The following MAP3K4 variants were observed in gnomAD, a reference collection of about 807,000 sequenced individuals.
MAP3K4 encodes mitogen-activated protein kinase kinase kinase 4.
In MAP3K4, 67 loss-of-function variants were observed where a neutral mutation model predicts 185.6. The ratio of observed to expected loss-of-function variants is 0.36; its 90% CI spans 0.30 to 0.44. The LOEUF (loss-of-function observed/expected upper bound fraction) is 0.44. MAP3K4 is among the 20% of genes least tolerant of loss of function. The pLI, the probability that MAP3K4 is intolerant of heterozygous loss-of-function variation, is 1.00. For missense variants in MAP3K4, 1,551 were observed against 1,995.1 expected, an observed-to-expected ratio of 0.78 and a Z score of 4.24; for synonymous variants, 702 against 710.4, an observed-to-expected ratio of 0.99 and a Z score of 0.19.
chr6:160,992,236 G>C (rs541216477), intron 1 of MAP3K4, 153 bp downstream of exon 1: 1 of 1,056,080 alleles, frequency 9.5e-7, no homozygotes, highest in Admixed American at 3.6e-5. Flanking sequence ...GTGCATCCCT[G>C]GGTCCCAGGG....
chr6:161,027,441 A>T (rs376482775), intron 1 of MAP3K4, among the ~76,000 whole-genome samples: 17 of 152,232 alleles, frequency 1.1e-4, no homozygotes, highest in African/African-American at 4.1e-4. Context: ...ATTAAAAAAA[A>T]ATTGCCTTCA....
In MAP3K4 at chr6:161,026,424, C is replaced by T. The variant is rs574379099; in HGVS notation, c.153-7835C>T. On this transcript the variant is annotated intron_variant, in intron 1 of 26. Transcript: ENST00000392142. Reference sequence around the variant, plus strand: ...TGCTGGGATTACAGGCATGAGCCACCGTGCCCGGTCAGAAGGAAGGCTTTT... The same window carrying T: ...TGCTGGGATTACAGGCATGAGCCACTGTGCCCGGTCAGAAGGAAGGCTTTT... Among the ~76,000 whole-genome samples, 234 of 152,138 alleles carry T rather than the reference C, an allele frequency of 1.5e-3. 3 individuals carry two copies. The highest frequency in any genetic ancestry group is 4.9e-3 in the African/African-American group (204 of 41,502).
chr6:160,991,905 C>A lies in MAP3K4; in HGVS notation c.-27C>A. The stretch of plus-strand genomic sequence containing the variant: ...CGCCAGGCTGCAGCTTACTGCCCGC[C>A]GCGGCCATGCGGGGCTCCGTGCACG... On this transcript the variant is annotated 5_prime_UTR_variant, in exon 1 of 27. Transcript: ENST00000392142. The surrounding 1 kb of genome is among the most constrained non-coding windows in gnomAD (Gnocchi z 5.7). 1.3e-6 allele frequency: 2 copies of A among 1,494,708 alleles called. No individual in the cohort carries two copies. The highest frequency in any genetic ancestry group is 2.2e-5 in the Admixed American group (1 of 45,524). The allele number at this position is 1,494,708 out of a possible 1,614,324, so 92.6% of individuals were successfully genotyped here. A position where few individuals can be genotyped will look rare whatever the true frequency, so the allele number is the denominator to read the frequency against.
At chr6:160,994,885 G>A (rs2115029436) in intron 1 of MAP3K4, among the ~76,000 whole-genome samples, 1 of 152,232 alleles carries the variant, frequency 6.6e-6, no homozygotes, top group South Asian at 2.1e-4. Flanking sequence ...ATTTTTAGTA[G>A]AGACAAGGTT....
chr6:161,090,617 G>A (rs1204459352), intron 11 of MAP3K4, among the ~76,000 whole-genome samples: 2 of 62,282 alleles, frequency 3.2e-5, no homozygotes, highest in African/African-American at 7.9e-5. Flanking sequence ...ATGGAGGGCC[G>A]TCCTGCGCAT....
intron 1 of MAP3K4, among the ~76,000 whole-genome samples, chr6:161,016,825 TTG>T (rs1562483307): frequency 2.0e-5 from 3 of 152,260 alleles, no homozygotes; most frequent in Non-Finnish European, 4.4e-5. Context: ...TTTAAACGCC[TTG>T]TATTCTTGCA....
chr6:161,096,675 C>T lies in MAP3K4; in HGVS notation c.3428-405C>T, dbSNP rs1022438329. ...ATGCACTCAGGACAATGACAGTGACCTCAAAGGCAGGACCTCTTGAAATGT... is the reference window on the plus strand; with the variant it reads ...ATGCACTCAGGACAATGACAGTGACTTCAAAGGCAGGACCTCTTGAAATGT... On this transcript the variant is annotated intron_variant, in intron 15 of 26. Coordinates refer to ENST00000392142, the MANE Select transcript of MAP3K4 (RefSeq NM_005922.4). This position sits in a 1 kb window ranked among gnomAD's most constrained non-coding sequence, Gnocchi z 4.9. The T allele has an allele frequency of 6.2e-6, 1 of 161,192 alleles. No individual in the cohort carries two copies. Among genetic ancestry groups the T allele is most frequent in the African/African-American group, 2.4e-5 (1 of 41,590 alleles). 10.0% of individuals were successfully genotyped at this position (161,192 alleles called of 1,614,324 possible).
chr6:161,083,072 G>C (rs997752701), intron 6 of MAP3K4, among the ~76,000 whole-genome samples: 1 of 152,076 alleles, frequency 6.6e-6, no homozygotes, highest in Non-Finnish European at 1.5e-5. Context: ...TCACTGTCTC[G>C]GGCCAGGCAT....
intron 1 of MAP3K4, among the ~76,000 whole-genome samples, chr6:161,000,466 T>C (rs2115043408): frequency 1.3e-5 from 2 of 152,358 alleles, no homozygotes; most frequent in East Asian, 3.9e-4. Context: ...AATGTATCTA[T>C]GCTTGTCTCT....
intron 2 of MAP3K4, among the ~76,000 whole-genome samples, chr6:161,044,627 G>A (rs1783636102): frequency 2.6e-5 from 4 of 152,166 alleles, no homozygotes; most frequent in Admixed American, 2.6e-4. Context: ...AGCACTCTTG[G>A]ATTTACTCTC....
chr6:161,048,256 G>C lies in MAP3K4; in HGVS notation c.344-360G>C, dbSNP rs765923975. 10 of 545,372 alleles carry C rather than the reference G, an allele frequency of 1.8e-5. No individual in the cohort carries two copies. The Admixed American group carries it at 1.9e-4, about 11-fold the overall frequency. The allele number at this position is 545,372 out of a possible 1,614,324, so 33.8% of individuals were successfully genotyped here. On this transcript the variant is annotated intron_variant, in intron 2 of 26. Transcript: ENST00000392142. The surrounding 1 kb of genome is among the most constrained non-coding windows in gnomAD (Gnocchi z 4.7). ...TATTTTCTCATCCAGGTGTCCGTCA[G>C]ATCTCCCATGCTGTTTCTTCCTCCT...
At position 161,107,050 on chromosome 6, in the gene MAP3K4, GCACA is replaced by G. The variant is rs3050252; in HGVS notation, c.4048+371_4048+374del. Among the ~76,000 whole-genome samples, 19 of 105,248 alleles carry G rather than the reference GCACA, an allele frequency of 1.8e-4. No individual in the cohort carries two copies. The highest frequency in any genetic ancestry group is 4.4e-4 in the East Asian group (1 of 2,274). 69.0% of individuals were successfully genotyped at this position (105,248 alleles called of 152,430 possible). On this transcript the variant is annotated intron_variant, in intron 20 of 26. Transcript: ENST00000392142. The surrounding 1 kb of genome is among the most constrained non-coding windows in gnomAD (Gnocchi z 6.2). Reference sequence around the variant, plus strand: ...TCTCTCTCTCTCTACACACGCGCGCGCACACACACACACACACACACACACACAC... The same window carrying G: ...TCTCTCTCTCTCTACACACGCGCGCGCACACACACACACACACACACACAC...
At chr6:161,062,448 A>G (rs1172894216) in intron 3 of MAP3K4, among the ~76,000 whole-genome samples, 1 of 152,130 alleles carries the variant, frequency 6.6e-6, no homozygotes, top group Non-Finnish European at 1.5e-5. Flanking sequence ...GAAGTTTCAG[A>G]TTTTGTTTAA....
Position 160,991,805 on chromosome 6 carries a change from C to G in MAP3K4, c.-127C>G, listed in dbSNP as rs1006602418. Reference sequence around the variant, plus strand: ...CGCCGTTTCCAAGATGGCCGCGGCGCGCACGGCTCCTGCGGCGGGGTAGAG... The same window carrying G: ...CGCCGTTTCCAAGATGGCCGCGGCGGGCACGGCTCCTGCGGCGGGGTAGAG... On this transcript the variant is annotated 5_prime_UTR_variant, in exon 1 of 27. Coordinates refer to ENST00000392142, the MANE Select transcript of MAP3K4 (RefSeq NM_005922.4). The surrounding 1 kb of genome is among the most constrained non-coding windows in gnomAD (Gnocchi z 5.7). 14 of 1,090,382 alleles carry G rather than the reference C, an allele frequency of 1.3e-5. No individual in the cohort carries two copies. Among genetic ancestry groups the G allele is most frequent in the Non-Finnish European group, 1.6e-5 (13 of 826,662 alleles). 67.5% of individuals were successfully genotyped at this position (1,090,382 alleles called of 1,614,324 possible).
intron 1 of MAP3K4, among the ~76,000 whole-genome samples, chr6:161,030,674 C>G (rs1051223051): frequency 3.9e-5 from 6 of 152,152 alleles, no homozygotes; most frequent in African/African-American, 1.4e-4. Flanking sequence ...CTCAGCCTCC[C>G]CAGGTGCTGG....
Position 161,091,951 on chromosome 6 carries a change from G to A in MAP3K4, c.3136-59G>A, listed in dbSNP as rs527397912. ...AACATTTTAGACATGGCATTATAGT[G>A]TGTGATATTATTTAATGATCATTTC... is the stretch of plus-strand genomic sequence containing the variant. On this transcript the variant is annotated intron_variant, in intron 12 of 26. Coordinates refer to ENST00000392142, the MANE Select transcript of MAP3K4 (RefSeq NM_005922.4). This position sits in a 1 kb window ranked among gnomAD's most constrained non-coding sequence, Gnocchi z 5.5. 1.8e-5 allele frequency: 25 copies of A among 1,381,596 alleles called. No individual in the cohort carries two copies. The African/African-American group carries it at 3.3e-4, about 18-fold the overall frequency. 85.6% of individuals were successfully genotyped at this position (1,381,596 alleles called of 1,614,324 possible).
Position 161,048,791 on chromosome 6 carries a change from T to G in MAP3K4, c.519T>G (p.Ser173=). Residue 173 remains serine (S), a synonymous_variant, in exon 3 of 27, where the codon TCT becomes TCG. Transcript: ENST00000392142. This position sits in a 1 kb window ranked among gnomAD's most constrained non-coding sequence, Gnocchi z 4.7. ...CSFMLDSVGG[S]LPKKSIPDVD... ...TCATGTTAGACTCAGTGGGTGGATC[T>G]TTGCCAAAAAAATCAATTCCAGATG... 6.2e-7 allele frequency: 1 copy of G among 1,614,128 alleles called. No individual in the cohort carries two copies. The highest frequency in any genetic ancestry group is 8.5e-7 in the Non-Finnish European group (1 of 1,180,036).
chr6:161,032,443 A>G (rs1421273731), intron 1 of MAP3K4, among the ~76,000 whole-genome samples: 1 of 152,214 alleles, frequency 6.6e-6, no homozygotes. Context: ...TCCTCATAGG[A>G]ATAAGTATTT....
In MAP3K4 at chr6:161,106,380, G is replaced by T. The variant is rs539394689; in HGVS notation, c.3857-134G>T. On this transcript the variant is annotated intron_variant, in intron 19 of 26. Coordinates refer to ENST00000392142, the MANE Select transcript of MAP3K4 (RefSeq NM_005922.4). This position sits in a 1 kb window ranked among gnomAD's most constrained non-coding sequence, Gnocchi z 4.9. ...TTTGAAGAACTTTAATTCACCTGCT[G>T]TTTATCTGAATAGATAATAAGCTTT... is the stretch of plus-strand genomic sequence containing the variant. 3.3e-6 allele frequency: 2 copies of T among 601,778 alleles called. No individual in the cohort carries two copies. The highest frequency in any genetic ancestry group is 6.2e-5 in the Admixed American group (2 of 32,152). 37.3% of individuals were successfully genotyped at this position (601,778 alleles called of 1,614,324 possible).
Sources: gnomAD v4.1 joint callset for allele counts (sites outside exome capture counted in the v4.1 genomes callset) on GRCh38, gnomAD v4.1.1 for gene constraint, Gnocchi (gnomAD v3.1) non-coding constraint, MANE v1.5 for transcripts, NCBI Gene and HGNC (gene_info 2026-07-23, HGNC 2026-07-21) for gene names.